The following NLGN1 variants were observed in gnomAD, a reference collection of about 807,000 sequenced individuals.
NLGN1 encodes the protein neuroligin 1, also known as neuroligin-1.
Under a neutral mutation model 65.5 loss-of-function variants are expected in NLGN1, and 12 were observed. That is an observed-to-expected ratio of 0.18 (90% CI 0.12 to 0.30). NLGN1 has a LOEUF of 0.30. NLGN1 is among the 10% of genes least tolerant of loss of function. NLGN1 has a pLI of 1.00. For synonymous variants in NLGN1, 350 were observed against 359.5 expected (o/e 0.97, Z 0.30); for missense variants, 750 against 1,007.1 (o/e 0.74, Z 3.46).
At chr3:173,426,606 G>A (rs1396219978) in intron 1 of NLGN1, among the ~76,000 whole-genome samples, 1 of 151,814 alleles carries the variant, frequency 6.6e-6, no homozygotes, top group Non-Finnish European at 1.5e-5. Context: ...CCTTCAGTCT[G>A]TTCATGTGCT....
chr3:173,857,600 A>G (rs1363300920), intron 4 of NLGN1, among the ~76,000 whole-genome samples: 1 of 152,098 alleles, frequency 6.6e-6, no homozygotes, highest in East Asian at 1.9e-4. Context: ...AAAAAATCAC[A>G]GAAAGTCATG....
chr3:173,794,939 C>A (rs1713701248), intron 3 of NLGN1, among the ~76,000 whole-genome samples: 12 of 151,938 alleles, frequency 7.9e-5, no homozygotes, highest in Admixed American at 7.9e-4. Flanking sequence ...TTCTCTTTTC[C>A]CCTTTCCTGA....
At chr3:173,807,418 C>T (rs1425878904) in intron 3 of NLGN1, among the ~76,000 whole-genome samples, 2 of 152,098 alleles carry the variant, frequency 1.3e-5, no homozygotes, top group East Asian at 3.9e-4. Flanking sequence ...CACTAAAATT[C>T]ACATCTAATT....
chr3:174,107,613 G>A (rs559771731), intron 4 of NLGN1, among the ~76,000 whole-genome samples: 1 of 152,136 alleles, frequency 6.6e-6, no homozygotes, highest in South Asian at 2.1e-4. Flanking sequence ...CACATTTTGA[G>A]GTGAATATAA....
chr3:173,656,886 G>T (rs547772411), intron 3 of NLGN1, among the ~76,000 whole-genome samples: 1 of 151,990 alleles, frequency 6.6e-6, no homozygotes, highest in Non-Finnish European at 1.5e-5. Flanking sequence ...TGAAGACTTT[G>T]CATACTACTC....
chr3:174,192,800 A>G (rs1732649181), intron 4 of NLGN1, among the ~76,000 whole-genome samples: 1 of 151,734 alleles, frequency 6.6e-6, no homozygotes, highest in Non-Finnish European at 1.5e-5. Context: ...TCCTTGCCTC[A>G]TTTTTTCCCC....
At chr3:173,540,319 C>T (rs1227667717) in intron 2 of NLGN1, among the ~76,000 whole-genome samples, 2 of 152,092 alleles carry the variant, frequency 1.3e-5, no homozygotes, top group East Asian at 3.9e-4. Context: ...TGCTACAGAG[C>T]CTTCTCTTTT....
chr3:174,002,516 T>C (rs1291837641), intron 4 of NLGN1, among the ~76,000 whole-genome samples: 2 of 152,236 alleles, frequency 1.3e-5, no homozygotes, highest in African/African-American at 4.8e-5. Flanking sequence ...ATCCATATTT[T>C]TTAACACTTC....
chr3:173,788,265 A>G (rs1028294709), intron 3 of NLGN1, among the ~76,000 whole-genome samples: 1 of 151,384 alleles, frequency 6.6e-6, no homozygotes, highest in Non-Finnish European at 1.5e-5. Flanking sequence ...CTGGTAATCA[A>G]TTTCAAATAT....
intron 3 of NLGN1, among the ~76,000 whole-genome samples, chr3:173,729,346 A>G (rs1772398609): frequency 6.6e-6 from 1 of 152,072 alleles, no homozygotes; most frequent in South Asian, 2.1e-4. Flanking sequence ...TCTTGTTCCT[A>G]TGTTTAGACT....
intron 3 of NLGN1, among the ~76,000 whole-genome samples, chr3:173,795,545 T>C (rs1162447774): frequency 6.6e-6 from 1 of 152,172 alleles, no homozygotes; most frequent in Non-Finnish European, 1.5e-5. Context: ...ATTTTAGTTA[T>C]ATAAAATTAA....
chr3:173,592,540 T>G (rs558024679), intron 2 of NLGN1, among the ~76,000 whole-genome samples: 1 of 152,206 alleles, frequency 6.6e-6, no homozygotes, highest in Non-Finnish European at 1.5e-5. Flanking sequence ...TATTGTCATT[T>G]GTTTCCACCT....
At chr3:173,865,111 T>C (rs1415887210) in intron 4 of NLGN1, among the ~76,000 whole-genome samples, 4 of 152,188 alleles carry the variant, frequency 2.6e-5, no homozygotes, top group Admixed American at 6.5e-5. Flanking sequence ...GCATGATATT[T>C]GTCAAAGTGA....
chr3:174,119,373 G>T (rs1437800811), intron 4 of NLGN1, among the ~76,000 whole-genome samples: 1 of 152,114 alleles, frequency 6.6e-6, no homozygotes, highest in Non-Finnish European at 1.5e-5. Flanking sequence ...TCTACATTAT[G>T]CATAGGTTTA....
downstream of NLGN1, among the ~76,000 whole-genome samples, chr3:174,288,685 C>A (rs1201184522): frequency 2.0e-5 from 3 of 151,422 alleles, no homozygotes; most frequent in Admixed American, 2.0e-4. Context: ...GCCTAAGTTT[C>A]TTAGAAAGTT....
At chr3:173,711,353 A>G (rs1768945298) in intron 3 of NLGN1, among the ~76,000 whole-genome samples, 1 of 152,202 alleles carries the variant, frequency 6.6e-6, no homozygotes, top group Non-Finnish European at 1.5e-5. Context: ...TTCAGGGAGA[A>G]GTAGGACAAT....
intron 2 of NLGN1, among the ~76,000 whole-genome samples, chr3:173,480,371 C>T (rs915407541): frequency 3.6e-4 from 54 of 151,862 alleles, no homozygotes; most frequent in Admixed American, 3.5e-3. Flanking sequence ...GAATAGAAAA[C>T]GTAAAATAAA....
intron 4 of NLGN1, among the ~76,000 whole-genome samples, chr3:174,244,168 G>A (rs904866411): frequency 6.6e-6 from 1 of 152,166 alleles, no homozygotes; most frequent in Non-Finnish European, 1.5e-5. Context: ...GGGAAAAGAA[G>A]TAATAGTTCC....
At chr3:173,549,674 ATTGT>A (rs752170280) in intron 2 of NLGN1, among the ~76,000 whole-genome samples, 29 of 152,076 alleles carry the variant, frequency 1.9e-4, no homozygotes, top group Non-Finnish European at 3.1e-4. Flanking sequence ...TGTTGTAAAA[ATTGT>A]TTGAAGCAGT....
Sources: allele counts gnomAD v4.1 joint callset (sites outside exome capture counted in the v4.1 genomes callset), GRCh38; gene constraint gnomAD v4.1.1; transcripts MANE v1.5; gene names NCBI Gene and HGNC (gene_info 2026-07-23, HGNC 2026-07-21).